Variants in C4orf50 observed in about 807,000 individuals in gnomAD.
C4orf50 encodes uncharacterized protein C4orf50.
Under a neutral mutation model 77.2 loss-of-function variants are expected in C4orf50, and 80 were observed. The ratio of observed to expected loss-of-function variants is 1.04; its 90% CI spans 0.87 to 1.25. The LOEUF is 1.25. Ranked by LOEUF, C4orf50 falls within the 50% of genes most tolerant of loss-of-function variation. The probability of loss-of-function intolerance (pLI) is 0.00; values close to 1 mark genes in which losing one functional copy is unlikely to be tolerated. For missense variants in C4orf50, 1,257 were observed against 1,152.9 expected (o/e 1.09, Z -1.31); for synonymous variants, 532 against 465.3 (o/e 1.14, Z -1.84).
In C4orf50 at chr4:6,008,517, C is replaced by A; in HGVS notation, c.442G>T (p.Val148Leu). Residue 148 changes from valine (V) to leucine (L), a missense_variant, in exon 25 of 34, where the codon GTG becomes TTG. Physicochemically the swap from Val to Leu is conservative, Grantham distance 32. Coordinates refer to ENST00000531445, the Ensembl canonical transcript of C4orf50. This position sits in a 1 kb window ranked among gnomAD's most constrained non-coding sequence, Gnocchi z 6.0. ...AGCCGCCACTGCTGCCGCCTGGCCA[C>A]GCTCTCCTCCCGGATCTACAAGTTG... 2.5e-6 allele frequency: 1 copy of A among 398,042 alleles called. No homozygotes were observed. Among genetic ancestry groups the A allele is most frequent in the Non-Finnish European group, 4.4e-6 (1 of 225,672 alleles). 24.7% of individuals were successfully genotyped at this position (398,042 alleles called of 1,614,324 possible).
chr4:5,989,161 T>A lies in C4orf50; in HGVS notation c.2885A>T (p.Glu962Val), dbSNP rs540000640. ...TGTCACCTCTCTCTCTCTCTCTCTT[T>A]CAAGGGCGCACACTCTTTCATGGAA... is the stretch of plus-strand genomic sequence containing the variant. The change falls in exon 28 of 34, where the codon GAA (glutamate) becomes GTA (valine). Residue 962 changes from glutamate to valine, a missense_variant. Coordinates refer to ENST00000531445, the Ensembl canonical transcript of C4orf50. 7.2e-5 allele frequency: 110 copies of A among 1,535,482 alleles called. No individual in the cohort carries two copies. The South Asian group carries it at 1.2e-3, about 16-fold the overall frequency.
At chr4:5,935,178 T>C (rs1577905551) in intron 7 of C4orf50, among the ~76,000 whole-genome samples, 2 of 152,278 alleles carry the variant, frequency 1.3e-5, no homozygotes, top group East Asian at 3.9e-4. Context: ...AAAACCCACA[T>C]GAGCAATGGT....
chr4:5,960,493 T>C (rs1456615614), intron 33 of C4orf50, among the ~76,000 whole-genome samples: 1 of 152,222 alleles, frequency 6.6e-6, no homozygotes, highest in African/African-American at 2.4e-5. Context: ...CAGGGCCTTT[T>C]GCCTCACTGG....
At chr4:5,928,553 T>C (rs1439991771) in intron 7 of C4orf50, among the ~76,000 whole-genome samples, 1 of 152,158 alleles carries the variant, frequency 6.6e-6, no homozygotes, top group Non-Finnish European at 1.5e-5. Flanking sequence ...GGAGAAGTCG[T>C]GATTTCCCAT....
chr4:5,993,725 G>A (rs1472677339), intron 26 of C4orf50, among the ~76,000 whole-genome samples: 1 of 152,036 alleles, frequency 6.6e-6, no homozygotes, highest in Non-Finnish European at 1.5e-5. Context: ...GCTGAGACAG[G>A]AGAATAGCTT....
rs760131978 is a variant in C4orf50 at position 5,990,093 on chromosome 4, G to C, written c.1953C>G (p.Tyr651Ter). The C allele has an allele frequency of 7.6e-7, 1 of 1,308,284 alleles. No individual in the cohort carries two copies. Among genetic ancestry groups the C allele is most frequent in the East Asian group, 2.7e-5 (1 of 36,454 alleles). The allele number at this position is 1,308,284 out of a possible 1,614,324, so 81.0% of individuals were successfully genotyped here. ...ACAGTCCTCCTCGGAGACCCCAGAC[G>C]TATCCTTCCACCCTTTCCCTCCTGC... The change falls in exon 28 of 34, where the codon TAC becomes TAG. Residue 651 changes from tyrosine to a stop codon, truncating the protein, a stop_gained. Coordinates refer to ENST00000531445, the Ensembl canonical transcript of C4orf50. LOFTEE classifies it high-confidence loss of function.
intron 25 of C4orf50, among the ~76,000 whole-genome samples, chr4:6,004,168 TG>T (rs1722061363): frequency 3.3e-5 from 4 of 121,786 alleles, no homozygotes; most frequent in African/African-American, 1.3e-4. Context: ...ATGATAGTGA[TG>T]ATGGTGATGA....
chr4:5,982,225 G>A (rs550544117), intron 28 of C4orf50, among the ~76,000 whole-genome samples: 8 of 152,086 alleles, frequency 5.3e-5, no homozygotes, highest in Non-Finnish European at 7.4e-5. Flanking sequence ...CTCTGGCAGT[G>A]ACTTGGACCA....
At chr4:5,990,789 A>G in exon 28 of C4orf50, 1 of 399,152 alleles carries the variant, frequency 2.5e-6, no homozygotes, top group Non-Finnish European at 4.4e-6. Flanking sequence ...CCAGGAGAAG[A>G]ATCTGTTCAT....
chr4:5,938,275 G>T (rs1367366664), intron 7 of C4orf50, among the ~76,000 whole-genome samples: 1 of 152,114 alleles, frequency 6.6e-6, no homozygotes. Flanking sequence ...ACAAAATACA[G>T]AAAATCCCAC....
At chr4:5,961,688 A>T (rs1307904142) in intron 33 of C4orf50, among the ~76,000 whole-genome samples, 1 of 152,158 alleles carries the variant, frequency 6.6e-6, no homozygotes, top group Non-Finnish European at 1.5e-5. Flanking sequence ...GAACCCAGGG[A>T]TGTAGTGTTG....
intron 7 of C4orf50, among the ~76,000 whole-genome samples, chr4:5,917,807 C>T (rs1488159573): frequency 6.6e-6 from 1 of 152,120 alleles, no homozygotes; most frequent in Non-Finnish European, 1.5e-5. Context: ...TCCAGCATTT[C>T]AGCTGTGCCC....
At chr4:5,946,223 A>C (rs1718475519) in intron 7 of C4orf50, among the ~76,000 whole-genome samples, 1 of 152,092 alleles carries the variant, frequency 6.6e-6, no homozygotes, top group Non-Finnish European at 1.5e-5. Flanking sequence ...GTGCACAGTC[A>C]GCTGCAGAAG....
chr4:5,967,444 C>T (rs750915133), exon 32 of C4orf50: 18 of 1,613,886 alleles, frequency 1.1e-5, no homozygotes, highest in African/African-American at 2.7e-5. Flanking sequence ...TCAGACTTGA[C>T]GTCCAGGTGG....
intron 31 of C4orf50, among the ~76,000 whole-genome samples, chr4:5,967,792 T>C (rs10034958): frequency 0.036 from 5,413 of 152,336 alleles, 227 homozygotes; most frequent in African/African-American, 0.1. Flanking sequence ...GGACATCCAG[T>C]GCTCTGATGT....
At chr4:5,913,466 G>A (rs12501453) in intron 7 of C4orf50, among the ~76,000 whole-genome samples, 82,609 of 152,064 alleles carry the variant, frequency 0.54, 24,247 homozygotes, top group East Asian at 0.78. Context: ...AAACAGATGA[G>A]CCTGTTCAAT....
rs143874965 is a variant in C4orf50, at chr4:5,928,363, T to TACAC, written c.*2474+28534_*2474+28537dup. ...CCCCTCTCATACACACACACACACA[T>TACAC]ACACACACACACACATACACACACA... On this transcript the variant is annotated intron_variant, in intron 7 of 7. Transcript: ENST00000324058. Among the ~76,000 whole-genome samples, 80 of 146,566 alleles carry TACAC rather than the reference T, an allele frequency of 5.5e-4. 1 individual carries two copies. In the South Asian group the frequency reaches 0.01, roughly 19 times the overall value.
chr4:5,952,706 G>A (rs1248116108), downstream of C4orf50, among the ~76,000 whole-genome samples: 6 of 152,164 alleles, frequency 3.9e-5, no homozygotes, highest in Admixed American at 6.5e-5. The surrounding 1 kb of genome is among the most constrained non-coding windows in gnomAD (Gnocchi z 4.4). Flanking sequence ...GGACTCAGTC[G>A]TTCTTTTCTG....
intron 23 of C4orf50, among the ~76,000 whole-genome samples, chr4:6,013,456 G>A (rs1005951144): frequency 5.3e-5 from 8 of 152,162 alleles, no homozygotes; most frequent in African/African-American, 7.2e-5. Flanking sequence ...AATCTTAAAC[G>A]GAGCAGAAAA....
Sources: gnomAD v4.1 joint callset for allele counts (sites outside exome capture counted in the v4.1 genomes callset) on GRCh38, gnomAD v4.1.1 for gene constraint, Gnocchi (gnomAD v3.1) non-coding constraint, MANE v1.5 for transcripts, NCBI Gene and HGNC (gene_info 2026-07-23, HGNC 2026-07-21) for gene names.